Variants in CABCOCO1 observed in about 807,000 individuals in gnomAD.
CABCOCO1 encodes ciliary associated calcium binding coiled-coil 1.
Under a neutral mutation model 35.7 loss-of-function variants are expected in CABCOCO1, and 28 were observed. That is an observed-to-expected ratio of 0.78 (90% CI 0.58 to 1.07). The LOEUF is 1.07. Ranked by LOEUF, CABCOCO1 falls within the 50% of genes least tolerant of loss-of-function variation. The pLI, the probability that CABCOCO1 is intolerant of heterozygous loss-of-function variation, is 0.00. For synonymous variants in CABCOCO1, 95 were observed against 100.1 expected (o/e 0.95, Z 0.30); for missense variants, 326 against 309.2 (o/e 1.05, Z -0.41).
intron 5 of CABCOCO1, among the ~76,000 whole-genome samples, chr10:61,693,611 G>A (rs998878401): frequency 2.0e-5 from 3 of 151,808 alleles, no homozygotes; most frequent in African/African-American, 7.3e-5. Context: ...GATGATGAGT[G>A]GCTCCTGACA....
intron 5 of CABCOCO1, among the ~76,000 whole-genome samples, chr10:61,733,649 T>A (rs1269227295): frequency 1.3e-5 from 2 of 152,092 alleles, no homozygotes. Flanking sequence ...AGTTTTGTCA[T>A]TTTTTTCCTT....
At chr10:61,674,780 T>A (rs1839459565) in intron 2 of CABCOCO1, among the ~76,000 whole-genome samples, 1 of 152,172 alleles carries the variant, frequency 6.6e-6, no homozygotes, top group Non-Finnish European at 1.5e-5. Flanking sequence ...GAAATTCACT[T>A]TAAGCAGTTA....
intron 5 of CABCOCO1, among the ~76,000 whole-genome samples, chr10:61,709,168 G>T (rs184047716): frequency 6.6e-6 from 1 of 152,080 alleles, no homozygotes; most frequent in East Asian, 1.9e-4. Context: ...AGAGAGATAC[G>T]TAGTTGATTT....
At chr10:61,738,975 G>T (rs766098925) in intron 5 of CABCOCO1, among the ~76,000 whole-genome samples, 10 of 152,088 alleles carry the variant, frequency 6.6e-5, no homozygotes, top group Non-Finnish European at 1.5e-4. Flanking sequence ...AATTACAAGT[G>T]AGTTTTTTTT....
At chr10:61,745,153 A>G (rs1841629846) in intron 5 of CABCOCO1, among the ~76,000 whole-genome samples, 1 of 152,170 alleles carries the variant, frequency 6.6e-6, no homozygotes, top group Admixed American at 6.6e-5. Flanking sequence ...GTCTATTTGT[A>G]TCCATCTAAC....
chr10:61,765,054 A>G (rs939978617), intron 7 of CABCOCO1, among the ~76,000 whole-genome samples: 10 of 152,182 alleles, frequency 6.6e-5, no homozygotes, highest in African/African-American at 2.4e-4. Flanking sequence ...AAGCCCTCAA[A>G]TAATGTTATA....
At chr10:61,706,325 TTTG>T (rs1354199789) in intron 5 of CABCOCO1, among the ~76,000 whole-genome samples, 2 of 152,342 alleles carry the variant, frequency 1.3e-5, no homozygotes, top group African/African-American at 4.8e-5. Context: ...TTCATTATTC[TTTG>T]TTAAATAATG....
In CABCOCO1 at chr10:61,687,170, A is replaced by C. The variant is rs752152348; in HGVS notation, c.479+985A>C. 9.5e-4 allele frequency among the ~76,000 whole-genome samples: 144 copies of C among 152,298 alleles called. 2 individuals carry two copies. The highest frequency in any genetic ancestry group is 1.7e-3 in the Non-Finnish European group (114 of 68,020). On this transcript the variant is annotated intron_variant, in intron 4 of 7. Transcript: ENST00000648843. The stretch of plus-strand genomic sequence containing the variant: ...TGGTATGAATTAATAATGTCATATG[A>C]TATACTATGGTTTTTACGTAATAAC...
intron 5 of CABCOCO1, among the ~76,000 whole-genome samples, chr10:61,717,128 G>C (rs2076038817): frequency 6.6e-6 from 1 of 151,930 alleles, no homozygotes; most frequent in Non-Finnish European, 1.5e-5. Flanking sequence ...AATTACCAAG[G>C]AATGCAAAAC....
chr10:61,748,592 G>A (rs943709453), intron 5 of CABCOCO1, among the ~76,000 whole-genome samples: 2 of 152,210 alleles, frequency 1.3e-5, no homozygotes, highest in Admixed American at 1.3e-4. Flanking sequence ...GTGAATGAAT[G>A]TGAATCCTCA....
At chr10:61,744,464 C>T (rs962879848) in intron 5 of CABCOCO1, among the ~76,000 whole-genome samples, 2 of 152,064 alleles carry the variant, frequency 1.3e-5, no homozygotes, top group Non-Finnish European at 2.9e-5. Flanking sequence ...GTAATTTACA[C>T]TTTGTTTAAG....
At chr10:61,729,711 C>T (rs1841255874) in intron 5 of CABCOCO1, among the ~76,000 whole-genome samples, 1 of 152,024 alleles carries the variant, frequency 6.6e-6, no homozygotes, top group African/African-American at 2.4e-5. Context: ...TGTGGAAAAC[C>T]CTAAATGCCC....
At chr10:61,664,199 T>A (rs1319084766) in intron 1 of CABCOCO1, among the ~76,000 whole-genome samples, 2 of 152,224 alleles carry the variant, frequency 1.3e-5, no homozygotes, top group African/African-American at 2.4e-5. Context: ...GTACTAAGCC[T>A]ATTATTCCCT....
intron 5 of CABCOCO1, among the ~76,000 whole-genome samples, chr10:61,726,825 G>A (rs909874778): frequency 1.7e-5 from 2 of 115,390 alleles, no homozygotes; most frequent in Admixed American, 9.7e-5. Flanking sequence ...TGGGAGGCGA[G>A]CGGGGGTGGA....
intron 2 of CABCOCO1, among the ~76,000 whole-genome samples, chr10:61,680,048 C>A (rs375453798): frequency 6.6e-6 from 1 of 151,810 alleles, no homozygotes; most frequent in African/African-American, 2.4e-5. Flanking sequence ...GCGGTGTTCA[C>A]GCCTGTAATC....
chr10:61,735,019 A>G (rs1477205448), intron 5 of CABCOCO1, among the ~76,000 whole-genome samples: 3 of 152,128 alleles, frequency 2.0e-5, no homozygotes, highest in African/African-American at 7.2e-5. Context: ...CTGTGTTCAA[A>G]AGAGAATTTA....
chr10:61,696,884 A>T (rs1236249101), intron 5 of CABCOCO1, among the ~76,000 whole-genome samples: 1 of 152,132 alleles, frequency 6.6e-6, no homozygotes, highest in Non-Finnish European at 1.5e-5. Context: ...ATGGGCAAAG[A>T]ATATGAACAG....
chr10:61,699,515 C>T (rs1474075153), intron 5 of CABCOCO1, among the ~76,000 whole-genome samples: 2 of 152,070 alleles, frequency 1.3e-5, no homozygotes, highest in Admixed American at 6.6e-5. Context: ...TTGGCCTTTT[C>T]GTAATTACAG....
At chr10:61,682,062 T>C (rs929839458) in intron 3 of CABCOCO1, among the ~76,000 whole-genome samples, 3 of 152,208 alleles carry the variant, frequency 2.0e-5, no homozygotes, top group African/African-American at 7.2e-5. Flanking sequence ...ACTTCTGAGC[T>C]GAGTATTCAC....
Sources: allele counts gnomAD v4.1 joint callset (sites outside exome capture counted in the v4.1 genomes callset), GRCh38; gene constraint gnomAD v4.1.1; transcripts MANE v1.5; gene names NCBI Gene and HGNC (gene_info 2026-07-23, HGNC 2026-07-21).